Variants in IGF2BP1 observed in about 807,000 individuals in gnomAD.
IGF2BP1 encodes the protein insulin like growth factor 2 mRNA binding protein 1, also known as insulin-like growth factor 2 mRNA-binding protein 1.
Under a neutral mutation model 74.9 loss-of-function variants are expected in IGF2BP1, and 11 were observed. The observed-to-expected ratio is 0.15, with a 90% CI of 0.09 to 0.24. IGF2BP1 has a LOEUF of 0.24. Among genes scored for constraint, IGF2BP1 ranks in the 10% least tolerant of loss-of-function variants. The pLI is 1.00. For synonymous variants in IGF2BP1, 287 were observed against 281.8 expected (o/e 1.02, Z -0.18); for missense variants, 440 against 757.4 (o/e 0.58, Z 4.92).
rs1339962691 is a variant in IGF2BP1 at position 49,026,639 on chromosome 17, T to TCCTG, written c.337+125_337+126insGCCT. 8.0e-5 allele frequency: 62 copies of TCCTG among 772,340 alleles called. 1 individual carries two copies. In the African/African-American group the frequency reaches 8.7e-4, roughly 11 times the overall value. The allele number at this position is 772,340 out of a possible 1,614,324, so 47.8% of individuals were successfully genotyped here. On this transcript the variant is annotated intron_variant, in intron 4 of 14. Transcript: ENST00000290341. ...TTCCTTCCTTCCTTCCTTCCTGCCTTCCTTCCTGCCTGCCTTCCTGCCTTC... is the reference window on the plus strand; with the variant it reads ...TTCCTTCCTTCCTTCCTTCCTGCCTTCCTGCCTTCCTGCCTGCCTTCCTGCCTTC...
At chr17:49,016,204 G>A (rs2041699318) in intron 2 of IGF2BP1, among the ~76,000 whole-genome samples, 1 of 152,232 alleles carries the variant, frequency 6.6e-6, no homozygotes, top group Non-Finnish European at 1.5e-5. Context: ...GTGAGCACAA[G>A]CAGCCTACTA....
chr17:49,019,904 T>TTATATATATATATATATA (rs60753189), intron 2 of IGF2BP1, among the ~76,000 whole-genome samples: 3 of 43,906 alleles, frequency 6.8e-5, no homozygotes, highest in East Asian at 6.5e-4. Flanking sequence ...CCTGGCTAAT[T>TTATATATATATATATATA]TATATATATA....
Position 49,039,417 on chromosome 17 carries a change from CTTAT to C in IGF2BP1, c.684-529_684-526del, listed in dbSNP as rs576042320. On this transcript the variant is annotated intron_variant, in intron 6 of 14. Coordinates refer to ENST00000290341, the MANE Select transcript of IGF2BP1 (RefSeq NM_006546.4). ...TGTTCTTGTCCCCAACCACTGCTTG[CTTAT>C]TTATTTATTTTTATTTTATTTTTTG... Among the ~76,000 whole-genome samples the C allele has an allele frequency of 1.5e-4, 23 of 152,034 alleles. No homozygotes were observed. The East Asian group carries it at 4.3e-3, about 28-fold the overall frequency.
intron 14 of IGF2BP1, among the ~76,000 whole-genome samples, chr17:49,048,948 G>A (rs565378824): frequency 6.6e-6 from 1 of 151,728 alleles, no homozygotes; most frequent in East Asian, 1.9e-4. Context: ...CCAGTTCCTG[G>A]TGCCAGAACA....
chr17:49,012,510 T>TGGAGA (rs2041632860), intron 2 of IGF2BP1: 1 of 152,152 alleles, frequency 6.6e-6, no homozygotes, highest in African/African-American at 2.4e-5. Context: ...TCTAGGAGTC[T>TGGAGA]CCATCCTTTG....
Position 49,051,470 on chromosome 17 carries a change from AGCTGCTGGCG to A in IGF2BP1, c.*2035_*2044del, listed in dbSNP as rs1341694849. 4 of 152,516 alleles carry A rather than the reference AGCTGCTGGCG, an allele frequency of 2.6e-5. No individual in the cohort carries two copies. The East Asian group carries it at 7.7e-4, about 29-fold the overall frequency. 9.4% of individuals were successfully genotyped at this position (152,516 alleles called of 1,614,324 possible). On this transcript the variant is annotated 3_prime_UTR_variant, in exon 15 of 15. Coordinates refer to ENST00000290341, the MANE Select transcript of IGF2BP1 (RefSeq NM_006546.4). ...CCTGATCTCTGACTTCTAGAGCCCC[AGCTGCTGGCG>A]GCTGCTGGAATATCCTACCTGATAG...
intron 14 of IGF2BP1, among the ~76,000 whole-genome samples, chr17:49,047,798 C>T (rs1193034278): frequency 2.0e-5 from 3 of 151,596 alleles, no homozygotes; most frequent in African/African-American, 7.3e-5. Context: ...ACTGCAGCCT[C>T]TACCTCCCAG....
At chr17:49,044,867 C>T (rs2042093032) in intron 11 of IGF2BP1, 124 bp from the exon 12 acceptor site, 3 of 770,908 alleles carry the variant, frequency 3.9e-6, no homozygotes, top group South Asian at 1.6e-5. Flanking sequence ...CTTTGTTCTT[C>T]CTCCCCTAAG....
intron 2 of IGF2BP1, among the ~76,000 whole-genome samples, chr17:49,015,330 G>T (rs1375554756): frequency 6.6e-6 from 1 of 152,202 alleles, no homozygotes; most frequent in African/African-American, 2.4e-5. Flanking sequence ...CCGGGGGCGA[G>T]TGCTAAACCA....
intron 2 of IGF2BP1, among the ~76,000 whole-genome samples, chr17:49,019,923 TA>T (rs1567815692): frequency 3.4e-5 from 2 of 58,038 alleles, no homozygotes; most frequent in African/African-American, 2.0e-4. Context: ...TATATATATA[TA>T]TATATATATA....
chr17:49,025,494 G>A lies in IGF2BP1; in HGVS notation c.237-124G>A, dbSNP rs1047033078. On this transcript the variant is annotated intron_variant, in intron 2 of 14. Coordinates refer to ENST00000290341, the MANE Select transcript of IGF2BP1 (RefSeq NM_006546.4). ...CTAAAAGTGTATTCTTAGATTTTAA[G>A]ACTATGGTGTTGGTGAGCAGAAGGT... 30 of 845,876 alleles carry A rather than the reference G, an allele frequency of 3.5e-5. 1 individual carries two copies. The South Asian group carries it at 4.9e-4, about 14-fold the overall frequency. The allele number at this position is 845,876 out of a possible 1,614,324, so 52.4% of individuals were successfully genotyped here.
intron 14 of IGF2BP1, among the ~76,000 whole-genome samples, chr17:49,047,363 G>C (rs1435530523): frequency 6.6e-6 from 1 of 151,940 alleles, no homozygotes; most frequent in East Asian, 1.9e-4. Flanking sequence ...GTATTAATAA[G>C]AGCCATAATA....
intron 2 of IGF2BP1, among the ~76,000 whole-genome samples, chr17:49,019,955 TACACAC>T (rs61213607): frequency 0.26 from 20,429 of 78,172 alleles, 3,555 homozygotes; most frequent in Middle Eastern, 0.38. Flanking sequence ...TATATTTATA[TACACAC>T]ACACACACAC....
At position 49,052,370 on chromosome 17, in the gene IGF2BP1, A is replaced by G. The variant is rs543243361; in HGVS notation, c.*2926A>G. 6.6e-6 allele frequency: 1 copy of G among 152,204 alleles called. No individual in the cohort carries two copies. Among genetic ancestry groups the G allele is most frequent in the East Asian group, 1.9e-4 (1 of 5,186 alleles). The allele number at this position is 152,204 out of a possible 1,614,324, so 9.4% of individuals were successfully genotyped here. Reference sequence around the variant, plus strand: ...ATCATCAGGAAGAAAAAAAAATCCCACAGTACCTGAAATGTGATTGTTGCA... The same window carrying G: ...ATCATCAGGAAGAAAAAAAAATCCCGCAGTACCTGAAATGTGATTGTTGCA... On this transcript the variant is annotated 3_prime_UTR_variant, in exon 15 of 15. Transcript: ENST00000290341.
intron 3 of IGF2BP1, among the ~76,000 whole-genome samples, 162 bp downstream of exon 3, chr17:49,025,828 TTTC>T (rs1567818458): frequency 6.8e-6 from 1 of 147,084 alleles, no homozygotes; most frequent in Non-Finnish European, 1.5e-5. Context: ...AGTCTCATCC[TTTC>T]TTCTTTTTCT....
rs556686546 is a variant in IGF2BP1, at chr17:49,047,074, C to A, written c.1641+701C>A. Reference sequence around the variant, plus strand: ...ACTGTTGATCACAGTTCCTACAATTCATAGAAGATATCCAGATCTTAGCAG... The same window carrying A: ...ACTGTTGATCACAGTTCCTACAATTAATAGAAGATATCCAGATCTTAGCAG... On this transcript the variant is annotated intron_variant, in intron 14 of 14. Transcript: ENST00000290341. Among the ~76,000 whole-genome samples the A allele has an allele frequency of 3.9e-4, 59 of 152,324 alleles. 1 individual carries two copies. In the South Asian group the frequency reaches 0.012, roughly 32 times the overall value.
intron 2 of IGF2BP1, chr17:49,017,679 G>A (rs11079852): frequency 0.37 from 56,680 of 151,972 alleles, 11,264 homozygotes; most frequent in African/African-American, 0.47. Flanking sequence ...CATGATATCA[G>A]CTCACCACAA....
At chr17:49,019,904 T>TTTTATA (rs1202634132) in intron 2 of IGF2BP1, among the ~76,000 whole-genome samples, 3 of 43,906 alleles carry the variant, frequency 6.8e-5, no homozygotes, top group Non-Finnish European at 8.5e-5. Context: ...CCTGGCTAAT[T>TTTTATA]TATATATATA....
chr17:49,036,360 T>C (rs1436923383), intron 5 of IGF2BP1: 1 of 151,944 alleles, frequency 6.6e-6, no homozygotes, highest in Admixed American at 6.6e-5. Context: ...AGGTGTTCGC[T>C]TCGGCAGCAC....
Sources: gnomAD v4.1 joint callset for allele counts (sites outside exome capture counted in the v4.1 genomes callset) on GRCh38, gnomAD v4.1.1 for gene constraint, MANE v1.5 for transcripts, NCBI Gene and HGNC (gene_info 2026-07-23, HGNC 2026-07-21) for gene names.